Variants in REDIC1 observed in about 807,000 individuals in gnomAD.
The protein encoded by REDIC1 is HEI10 Interacting Protein 1.
At chr12:39,792,559 C>T in the REDIC1 span, among the ~76,000 whole-genome samples, 1 of 152,148 alleles carries the variant, frequency 6.6e-6, no homozygotes, top group Non-Finnish European at 1.5e-5. Context: ...ATTCTAGATA[C>T]TAAGCCTCTG....
chr12:39,850,078 A>G, the REDIC1 span, among the ~76,000 whole-genome samples: 2 of 152,058 alleles, frequency 1.3e-5, no homozygotes, highest in Non-Finnish European at 2.9e-5. Context: ...CTCTTTCTGC[A>G]ATGTCATGTT....
chr12:39,680,853 C>T, the REDIC1 span, among the ~76,000 whole-genome samples: 242 of 152,212 alleles, frequency 1.6e-3, 2 homozygotes, highest in African/African-American at 5.3e-3. Flanking sequence ...TTATGGCATT[C>T]ACAGCAACCT....
chr12:39,802,023 T>A, the REDIC1 span, among the ~76,000 whole-genome samples: 2 of 152,144 alleles, frequency 1.3e-5, no homozygotes, highest in African/African-American at 4.8e-5. Flanking sequence ...TTTCACATAG[T>A]GACAATTGTC....
At chr12:39,884,382 C>T in the REDIC1 span, among the ~76,000 whole-genome samples, 7 of 152,172 alleles carry the variant, frequency 4.6e-5, no homozygotes, top group Non-Finnish European at 7.4e-5. Flanking sequence ...CGCCAAACTT[C>T]GTATTTTCTT....
chr12:39,855,388 A>G, the REDIC1 span, among the ~76,000 whole-genome samples: 4 of 152,216 alleles, frequency 2.6e-5, no homozygotes, highest in Non-Finnish European at 5.9e-5. Context: ...AGAACACTAT[A>G]AAAGGATCCA....
the REDIC1 span, among the ~76,000 whole-genome samples, chr12:39,767,021 A>G: frequency 6.6e-6 from 1 of 152,102 alleles, no homozygotes; most frequent in Non-Finnish European, 1.5e-5. Flanking sequence ...TGAATCACGA[A>G]TGTTTTTAAT....
At chr12:39,901,843 T>C in the REDIC1 span, among the ~76,000 whole-genome samples, 21 of 148,516 alleles carry the variant, frequency 1.4e-4, no homozygotes, top group Non-Finnish European at 2.4e-4. Context: ...CATTACTGGG[T>C]ATATACCCAA....
At chr12:39,754,130 CTT>C in the REDIC1 span, 1 of 152,120 alleles carries the variant, frequency 6.6e-6, no homozygotes, top group South Asian at 2.1e-4. Context: ...GAGGGGAAGA[CTT>C]TTGGTGTAGT....
At chr12:39,744,701 A>G in the REDIC1 span, among the ~76,000 whole-genome samples, 1 of 152,224 alleles carries the variant, frequency 6.6e-6, no homozygotes, top group East Asian at 1.9e-4. Flanking sequence ...AATAGTGTAA[A>G]TAAATAAATA....
the REDIC1 span, among the ~76,000 whole-genome samples, chr12:39,899,497 T>G: frequency 6.6e-6 from 1 of 152,062 alleles, no homozygotes; most frequent in Admixed American, 6.6e-5. Context: ...CTGCTCTGAT[T>G]TTAGTTATTT....
At chr12:39,699,054 G>A in the REDIC1 span, among the ~76,000 whole-genome samples, 2 of 152,124 alleles carry the variant, frequency 1.3e-5, no homozygotes, top group African/African-American at 4.8e-5. Context: ...AAAAAAGTTG[G>A]TTTTTGAAAA....
the REDIC1 span, chr12:39,643,649 C>T: frequency 1.5e-6 from 1 of 675,396 alleles, no homozygotes; most frequent in African/African-American, 1.9e-5. Flanking sequence ...TATTTATAAA[C>T]ATATAAAGAT....
At chr12:39,720,764 C>T in the REDIC1 span, 1 of 1,552,258 alleles carries the variant, frequency 6.4e-7, no homozygotes, top group Admixed American at 1.8e-5. Context: ...TGGTTTAGAG[C>T]AAAATTATTA....
chr12:39,902,099 A>T, the REDIC1 span, among the ~76,000 whole-genome samples: 2 of 151,114 alleles, frequency 1.3e-5, no homozygotes, highest in Non-Finnish European at 2.9e-5. Flanking sequence ...AGGACAAAAA[A>T]CCAAACACCG....
the REDIC1 span, among the ~76,000 whole-genome samples, chr12:39,706,800 G>A: frequency 6.6e-6 from 1 of 151,848 alleles, no homozygotes; most frequent in Non-Finnish European, 1.5e-5. Context: ...ACTGGTATCT[G>A]TATGCAGAAG....
At chr12:39,678,629 C>CAAAAAAAA in the REDIC1 span, among the ~76,000 whole-genome samples, 6 of 96,228 alleles carry the variant, frequency 6.2e-5, no homozygotes, top group African/African-American at 1.6e-4. Flanking sequence ...AAAGGCATAA[C>CAAAAAAAA]AAAAAAAAAA....
chr12:39,626,396 C>G, the REDIC1 span: 213 of 1,613,390 alleles, frequency 1.3e-4, no homozygotes, highest in African/African-American at 1.5e-3. Flanking sequence ...CTGGGACATT[C>G]ATTCCTACGA....
chr12:39,806,250 C>T, the REDIC1 span, among the ~76,000 whole-genome samples: 2 of 152,114 alleles, frequency 1.3e-5, no homozygotes, highest in African/African-American at 4.8e-5. Context: ...AAGATCAGAA[C>T]AAAAATTCTA....
At chr12:39,640,563 C>T in the REDIC1 span, among the ~76,000 whole-genome samples, 1 of 151,834 alleles carries the variant, frequency 6.6e-6, no homozygotes, top group African/African-American at 2.4e-5. Flanking sequence ...CCTCTCTGTT[C>T]TCTGTAGATT....
Sources: gnomAD v4.1 joint callset for allele counts (sites outside exome capture counted in the v4.1 genomes callset) on GRCh38, gnomAD v4.1.1 for gene constraint, MANE v1.5 for transcripts, NCBI Gene and HGNC (gene_info 2026-07-23, HGNC 2026-07-21) for gene names.